MDFIC2: variants seen among roughly 807,000 people sequenced by gnomAD.
MDFIC2 encodes myoD family inhibitor domain-containing protein 2.
chr3:70,233,263 C>A (rs1207593397), intron 2 of MDFIC2, among the ~76,000 whole-genome samples: 1 of 152,078 alleles, frequency 6.6e-6, no homozygotes, highest in Non-Finnish European at 1.5e-5. Flanking sequence ...AAGATAAAAG[C>A]TGAAATCTGT....
chr3:70,281,695 T>C (rs1320204285), intron 2 of MDFIC2, among the ~76,000 whole-genome samples: 2 of 152,310 alleles, frequency 1.3e-5, no homozygotes, highest in East Asian at 3.9e-4. Context: ...CCATCATTGC[T>C]TTTTGCCCCA....
At chr3:70,250,409 TCTCACACACACACACACACA>T (rs1382420858) in intron 2 of MDFIC2, among the ~76,000 whole-genome samples, 18 of 126,222 alleles carry the variant, frequency 1.4e-4, no homozygotes, top group African/African-American at 4.9e-4. Context: ...TTTTAATGAA[TCTCACACACACACACACACA>T]CACACACACA....
At chr3:70,306,866 T>G (rs1702406106) in intron 2 of MDFIC2, among the ~76,000 whole-genome samples, 1 of 152,188 alleles carries the variant, frequency 6.6e-6, no homozygotes, top group Non-Finnish European at 1.5e-5. Flanking sequence ...ATGATTGGTG[T>G]CTTGACTTTG....
intron 2 of MDFIC2, among the ~76,000 whole-genome samples, chr3:70,279,662 G>C (rs568331400): frequency 4.6e-5 from 7 of 152,298 alleles, no homozygotes; most frequent in Admixed American, 2.6e-4. Context: ...GCATTAAGCA[G>C]CTCCTCCATT....
At chr3:70,267,393 GCTT>G (rs1701925537) in intron 2 of MDFIC2, among the ~76,000 whole-genome samples, 2 of 113,614 alleles carry the variant, frequency 1.8e-5, no homozygotes, top group African/African-American at 3.2e-5. Flanking sequence ...TTTTTTAATA[GCTT>G]TTTTTTTTTT....
At chr3:70,284,638 C>T (rs926998314) in intron 2 of MDFIC2, among the ~76,000 whole-genome samples, 5 of 152,118 alleles carry the variant, frequency 3.3e-5, no homozygotes, top group Admixed American at 1.3e-4. Flanking sequence ...TAGAAATTAA[C>T]ACAGGAACAG....
intron 2 of MDFIC2, among the ~76,000 whole-genome samples, chr3:70,289,700 T>G (rs1330270095): frequency 2.0e-5 from 3 of 152,198 alleles, no homozygotes; most frequent in African/African-American, 7.2e-5. Context: ...GGTACACCAA[T>G]CAGACCTAGA....
intron 2 of MDFIC2, among the ~76,000 whole-genome samples, chr3:70,238,905 C>T (rs1242871164): frequency 6.6e-6 from 1 of 152,118 alleles, no homozygotes; most frequent in Non-Finnish European, 1.5e-5. Flanking sequence ...ATTTTCTTCC[C>T]ATCTCTTTTT....
At chr3:70,220,239 T>C (rs968364833) in intron 2 of MDFIC2, among the ~76,000 whole-genome samples, 1 of 152,056 alleles carries the variant, frequency 6.6e-6, no homozygotes, top group Non-Finnish European at 1.5e-5. Context: ...AATAGTCTCA[T>C]GTATTATCAG....
intron 2 of MDFIC2, among the ~76,000 whole-genome samples, chr3:70,220,217 G>A (rs555636815): frequency 6.6e-6 from 1 of 151,992 alleles, no homozygotes; most frequent in Non-Finnish European, 1.5e-5. Flanking sequence ...TGTCTTTTCT[G>A]TGTGAGAGTA....
At chr3:70,310,924 G>A (rs1160853802) in intron 2 of MDFIC2, among the ~76,000 whole-genome samples, 3 of 151,996 alleles carry the variant, frequency 2.0e-5, no homozygotes, top group African/African-American at 7.2e-5. Flanking sequence ...GTAATTTTAG[G>A]CAAGTTACTA....
At chr3:70,250,757 T>A (rs962170128) in intron 2 of MDFIC2, among the ~76,000 whole-genome samples, 23 of 152,182 alleles carry the variant, frequency 1.5e-4, no homozygotes, top group African/African-American at 5.5e-4. Context: ...AATTTGGGAC[T>A]AAGAAAATAT....
At chr3:70,255,069 C>T (rs145430475) in intron 2 of MDFIC2, among the ~76,000 whole-genome samples, 11 of 152,088 alleles carry the variant, frequency 7.2e-5, no homozygotes, top group East Asian at 1.9e-4. Flanking sequence ...AAGAGAGAAA[C>T]GCAGGTAAAA....
chr3:70,290,000 T>C (rs1035734018), intron 2 of MDFIC2, among the ~76,000 whole-genome samples: 44 of 152,114 alleles, frequency 2.9e-4, no homozygotes, highest in Non-Finnish European at 1.0e-4. Flanking sequence ...TTGCCTTTGG[T>C]TTGAATGTCC....
At chr3:70,262,070 A>AC (rs1478837050) in intron 2 of MDFIC2, among the ~76,000 whole-genome samples, 1 of 152,190 alleles carries the variant, frequency 6.6e-6, no homozygotes, top group African/African-American at 2.4e-5. Flanking sequence ...GGTCAATCTC[A>AC]CGATAAAGCC....
chr3:70,275,865 C>T (rs771328270), intron 2 of MDFIC2, among the ~76,000 whole-genome samples: 2 of 152,138 alleles, frequency 1.3e-5, no homozygotes, highest in Non-Finnish European at 2.9e-5. Context: ...CCATGTTGTA[C>T]CGTGTGTTTA....
At chr3:70,209,840 C>T (rs754814455) in intron 2 of MDFIC2, among the ~76,000 whole-genome samples, 2 of 152,088 alleles carry the variant, frequency 1.3e-5, no homozygotes, top group African/African-American at 4.8e-5. Flanking sequence ...ACTCGCCTTT[C>T]CCTTAGCAGT....
At chr3:70,310,200 A>C (rs190783591) in intron 2 of MDFIC2, among the ~76,000 whole-genome samples, 288 of 152,232 alleles carry the variant, frequency 1.9e-3, no homozygotes, top group Non-Finnish European at 3.1e-3. Context: ...CTTTTAACAG[A>C]AATGATTCTG....
intron 2 of MDFIC2, among the ~76,000 whole-genome samples, chr3:70,271,293 G>A (rs182932368): frequency 6.6e-6 from 1 of 152,060 alleles, no homozygotes; most frequent in Non-Finnish European, 1.5e-5. Flanking sequence ...AAAAGGACCT[G>A]GTAGGAAGCA....
Sources: allele counts gnomAD v4.1 joint callset (sites outside exome capture counted in the v4.1 genomes callset), GRCh38; gene constraint gnomAD v4.1.1; transcripts MANE v1.5; gene names NCBI Gene and HGNC (gene_info 2026-07-23, HGNC 2026-07-21).